Variants in F10 observed in about 807,000 individuals in gnomAD.
F10 encodes coagulation factor X, also known as Stuart-Prower factor.
In F10, 29 loss-of-function variants were observed where a neutral mutation model predicts 37.1. The observed-to-expected ratio is 0.78, with a 90% CI of 0.58 to 1.07. The LOEUF is 1.07. Ranked by LOEUF, F10 falls within the 50% of genes least tolerant of loss-of-function variation. F10 has a pLI of 0.00. For missense variants in F10, 539 were observed against 667.9 expected, an observed-to-expected ratio of 0.81 and a Z score of 2.13; for synonymous variants, 262 against 268.6, an observed-to-expected ratio of 0.98 and a Z score of 0.24.
Position 113,129,593 on chromosome 13 carries a change from T to A in F10, c.212T>A (p.Phe71Tyr), listed in dbSNP as rs773214680. The A allele has an allele frequency of 6.2e-7, 1 of 1,614,020 alleles. No homozygotes were observed. Among genetic ancestry groups the A allele is most frequent in the African/African-American group, 1.3e-5 (1 of 74,918 alleles). The change falls in exon 2 of 8, where the codon TTT (phenylalanine) becomes TAT (tyrosine). Residue 71 changes from phenylalanine (F) to tyrosine (Y), a missense_variant. Physicochemically the swap from Phe to Tyr is conservative, Grantham distance 22 (BLOSUM62 3). Transcript: ENST00000375559. ...TCATACGAAGAGGCCCGCGAGGTCT[T>A]TGAGGACAGCGACAAGACGGTAAGG... Reference protein sequence around the residue: ...TCSYEEAREVFEDSDKTNEFW... With the variant: ...TCSYEEAREVYEDSDKTNEFW...
At chr13:113,130,003 T>C in intron 2 of F10, 1 of 338,000 alleles carries the variant, frequency 3.0e-6, no homozygotes, top group Non-Finnish European at 5.8e-6. Flanking sequence ...GCCCGCGTCC[T>C]GCCTTGGCCT....
At chr13:113,140,137 G>A (rs1019653381) in intron 4 of F10, among the ~76,000 whole-genome samples, 4 of 143,430 alleles carry the variant, frequency 2.8e-5, no homozygotes, top group Admixed American at 7.4e-5. Context: ...GCAGTGGCAC[G>A]ATCTCAGCTC....
At chr13:113,147,783 G>A (rs576219451) in intron 7 of F10, among the ~76,000 whole-genome samples, 4 of 152,276 alleles carry the variant, frequency 2.6e-5, no homozygotes, top group African/African-American at 9.6e-5. Context: ...GGGTCTGCAT[G>A]TCCAGCTAAT....
chr13:113,143,905 A>G lies in F10; in HGVS notation c.557A>G (p.Gln186Arg). The G allele has an allele frequency of 1.2e-6, 2 of 1,613,418 alleles. No individual in the cohort carries two copies. Among genetic ancestry groups the G allele is most frequent in the Non-Finnish European group, 1.7e-6 (2 of 1,179,996 alleles). The change falls in exon 6 of 8, where the codon CAG (glutamine) becomes CGG (arginine). Residue 186 changes from glutamine to arginine, a missense_variant. This residue lies in a region of F10 where 409 missense variants were observed against 547.9 expected (regional missense o/e 0.75). Transcript: ENST00000375559. The surrounding 1 kb of genome is among the most constrained non-coding windows in gnomAD (Gnocchi z 6.8). ...TLERRKRSVA[Q>R]ATSSSGEAPD... The stretch of plus-strand genomic sequence containing the variant: ...GAACGCAGGAAGAGGTCAGTGGCCC[A>G]GGCCACCAGCAGCAGCGGGGAGGCC...
chr13:113,135,508 A>G (rs2036470839), intron 2 of F10, among the ~76,000 whole-genome samples: 1 of 152,208 alleles, frequency 6.6e-6, no homozygotes, highest in South Asian at 2.1e-4. Context: ...GAAGCACAGA[A>G]GGGACAAACA....
In F10 at chr13:113,146,778, T is replaced by C. The variant is rs2036586229; in HGVS notation, c.748-601T>C. On this transcript the variant is annotated intron_variant, in intron 6 of 7. Coordinates refer to ENST00000375559, the MANE Select transcript of F10 (RefSeq NM_000504.4). This position sits in a 1 kb window ranked among gnomAD's most constrained non-coding sequence, Gnocchi z 4.5. ...CCCCAGAGAAAAGAAAACCAAAATA[T>C]GCCCGGGCTCCAAACTTGCAAGTCC... Among the ~76,000 whole-genome samples the C allele has an allele frequency of 6.6e-6, 1 of 152,112 alleles. No homozygotes were observed. Among genetic ancestry groups the C allele is most frequent in the African/African-American group, 2.4e-5 (1 of 41,422 alleles).
Position 113,147,390 on chromosome 13 carries a change from C to A in F10, c.759C>A (p.Ile253=), listed in dbSNP as rs764732549. The A allele has an allele frequency of 1.9e-6, 3 of 1,612,210 alleles. No individual in the cohort carries two copies. In the South Asian group the frequency reaches 3.3e-5, roughly 18 times the overall value. Residue 253 remains isoleucine, a synonymous_variant, in exon 7 of 8, where the codon ATC becomes ATA. Transcript: ENST00000375559. ...DGECPWQALL[I]NEENEGFCGG... ...CACGTCTGTCACAGGCCCTGCTCAT[C>A]AATGAGGAAAACGAGGGTTTCTGTG... is the stretch of plus-strand genomic sequence containing the variant.
At chr13:113,128,512 G>C (rs2036391825) in intron 1 of F10, 1 of 152,172 alleles carries the variant, frequency 6.6e-6, no homozygotes, top group Non-Finnish European at 1.5e-5. Context: ...ACTCATAGGT[G>C]GCCACCCTTA....
chr13:113,129,770 G>A (rs1288773158), intron 2 of F10, among the ~76,000 whole-genome samples, 158 bp downstream of exon 2: 5 of 152,094 alleles, frequency 3.3e-5, no homozygotes, highest in Non-Finnish European at 4.4e-5. Context: ...GGCCTCGGCG[G>A]AGTCCTGCCC....
rs1318536027 is a variant in F10, at chr13:113,149,173, A to G, written c.1123A>G (p.Thr375Ala). 9 of 1,612,812 alleles carry G rather than the reference A, an allele frequency of 5.6e-6. No homozygotes were observed. Among genetic ancestry groups the G allele is most frequent in the African/African-American group, 1.3e-5 (1 of 74,890 alleles). Reference protein sequence around the residue: ...GRTHEKGRQSTRLKMLEVPYV... With the variant: ...GRTHEKGRQSARLKMLEVPYV... ...CACCCACGAGAAGGGCCGGCAGTCC[A>G]CCAGGCTCAAGATGCTGGAGGTGCC... The change falls in exon 8 of 8, where the codon ACC becomes GCC. Residue 375 changes from threonine (T) to alanine (A), a missense_variant. By Grantham distance (58) the Thr-to-Ala change is moderately conservative (BLOSUM62 0). This residue lies in a region of F10 where 409 missense variants were observed against 547.9 expected (regional missense o/e 0.75). Transcript: ENST00000375559. This position sits in a 1 kb window ranked among gnomAD's most constrained non-coding sequence, Gnocchi z 7.5.
chr13:113,145,101 C>G (rs763864754), intron 6 of F10, among the ~76,000 whole-genome samples: 23 of 152,180 alleles, frequency 1.5e-4, no homozygotes, highest in Non-Finnish European at 2.2e-4. Context: ...AGGATGGTCT[C>G]CATCTCCTGA....
Position 113,141,666 on chromosome 13 carries a change from C to T in F10, c.502+616C>T, listed in dbSNP as rs2036528822. Among the ~76,000 whole-genome samples, 1 of 152,200 alleles carries T rather than the reference C, an allele frequency of 6.6e-6. No individual in the cohort carries two copies. Among genetic ancestry groups the T allele is most frequent in the Non-Finnish European group, 1.5e-5 (1 of 68,020 alleles). Reference sequence around the variant, plus strand: ...AGCCTCCCTGTCCTGACCCCGTGGGCATTGCCTACGCTGGGCTTGCCTGGC... The same window carrying T: ...AGCCTCCCTGTCCTGACCCCGTGGGTATTGCCTACGCTGGGCTTGCCTGGC... On this transcript the variant is annotated intron_variant, in intron 5 of 7. Transcript: ENST00000375559. The surrounding 1 kb of genome is among the most constrained non-coding windows in gnomAD (Gnocchi z 5.4).
At position 113,149,048 on chromosome 13, in the gene F10, C is replaced by A. The variant is rs2036612875; in HGVS notation, c.998C>A (p.Thr333Asn). 1 of 1,613,372 alleles carries A rather than the reference C, an allele frequency of 6.2e-7. No homozygotes were observed. Among genetic ancestry groups the A allele is most frequent in the African/African-American group, 1.3e-5 (1 of 74,888 alleles). Residue 333 changes from threonine to asparagine, a missense_variant, in exon 8 of 8, where the codon ACC becomes AAC. By Grantham distance (65) the Thr-to-Asn change is moderately conservative (BLOSUM62 0). Coordinates refer to ENST00000375559, the MANE Select transcript of F10 (RefSeq NM_000504.4). The surrounding 1 kb of genome is among the most constrained non-coding windows in gnomAD (Gnocchi z 7.5). ...GTGCTCCGGCTCAAGACCCCCATCA[C>A]CTTCCGCATGAACGTGGCGCCTGCC... The part of the protein sequence containing the change: ...IAVLRLKTPI[T>N]FRMNVAPACL...
intron 2 of F10, chr13:113,131,289 A>G (rs949387613): frequency 2.0e-5 from 3 of 152,230 alleles, no homozygotes; most frequent in African/African-American, 7.2e-5. Flanking sequence ...ATGCCAGTTA[A>G]GGAATAAGAG....
In F10 at chr13:113,147,534, C is replaced by T; in HGVS notation, c.865+38C>T. The T allele has an allele frequency of 2.5e-6, 3 of 1,196,208 alleles. No homozygotes were observed. In the East Asian group the frequency reaches 7.0e-5, roughly 28 times the overall value. 74.1% of individuals were successfully genotyped at this position (1,196,208 alleles called of 1,614,324 possible). ...CAGCCCCCAGGGCCGTGGTGAGGGG[C>T]ACCGTCACTGTCTGCTTTTCAGAAA... On this transcript the variant is annotated intron_variant, in intron 7 of 7. Transcript: ENST00000375559.
At chr13:113,131,668 A>C (rs546825304) in intron 2 of F10, 1 of 152,252 alleles carries the variant, frequency 6.6e-6, no homozygotes, top group Non-Finnish European at 1.5e-5. Flanking sequence ...GACTTACATC[A>C]GTCCCACATT....
At chr13:113,131,462 C>T (rs1399966106) in intron 2 of F10, 1 of 152,734 alleles carries the variant, frequency 6.5e-6, no homozygotes, top group Non-Finnish European at 1.5e-5. Context: ...GACTTCTCCT[C>T]ACCCTTCTGG....
intron 7 of F10, among the ~76,000 whole-genome samples, chr13:113,148,215 C>T (rs2138555340): frequency 6.6e-6 from 1 of 151,596 alleles, no homozygotes; most frequent in South Asian, 2.1e-4. Flanking sequence ...CCTGTAATCC[C>T]AGCTACTTGG....
rs1247002141 is a variant in F10, at chr13:113,146,402, G to T, written c.748-977G>T. Among the ~76,000 whole-genome samples the T allele has an allele frequency of 2.0e-5, 3 of 152,190 alleles. No individual in the cohort carries two copies. Among genetic ancestry groups the T allele is most frequent in the African/African-American group, 7.2e-5 (3 of 41,460 alleles). The stretch of plus-strand genomic sequence containing the variant: ...GAGCTGGACTTGGAGCTGCAGGCGG[G>T]GTTTTGGAGGGGTTCCTGGGCTGGG... On this transcript the variant is annotated intron_variant, in intron 6 of 7. Transcript: ENST00000375559. This position sits in a 1 kb window ranked among gnomAD's most constrained non-coding sequence, Gnocchi z 4.5.
Sources: gnomAD v4.1 joint callset for allele counts (sites outside exome capture counted in the v4.1 genomes callset) on GRCh38, gnomAD v4.1.1 for gene constraint, gnomAD v4.1.1 regional missense constraint, Gnocchi (gnomAD v3.1) non-coding constraint, MANE v1.5 for transcripts, NCBI Gene and HGNC (gene_info 2026-07-23, HGNC 2026-07-21) for gene names.